The following EIF2A variants were observed in gnomAD, a reference collection of about 807,000 sequenced individuals.
The protein encoded by EIF2A is eukaryotic translation initiation factor 2A.
EIF2A carries 62 observed loss-of-function variants against 75.2 expected under a neutral mutation model. The observed-to-expected ratio is 0.82, with a 90% confidence interval of 0.67 to 1.02. The LOEUF (loss-of-function observed/expected upper bound fraction) is 1.02. EIF2A is among the 50% of genes least tolerant of loss of function. The pLI, the probability that EIF2A is intolerant of heterozygous loss-of-function variation, is 0.00. For missense variants in EIF2A, 611 were observed against 677.7 expected, an observed-to-expected ratio of 0.90 and a Z score of 1.09; for synonymous variants, 207 against 239.0, an observed-to-expected ratio of 0.87 and a Z score of 1.23.
rs1724587520 is a variant in EIF2A, at chr3:150,572,435, C to A, written c.1289C>A (p.Ala430Glu). Residue 430 changes from alanine (A) to glutamate (E), a missense_variant, in exon 10 of 14, where the codon GCA (alanine) becomes GAA (glutamate). Transcript: ENST00000460851. ...IFPAKTITYQ[A>E]VPSEVPNEEP... ...CCAGCAAAAACAATAACTTACCAAG[C>A]AGTTCCAAGTGAAGTACCCAATGAG... is the stretch of plus-strand genomic sequence containing the variant. 5 of 1,614,036 alleles carry A rather than the reference C, an allele frequency of 3.1e-6. No individual in the cohort carries two copies. Among genetic ancestry groups the A allele is most frequent in the Non-Finnish European group, 3.4e-6 (4 of 1,179,894 alleles).
intron 10 of EIF2A, 31 bp from the exon 11 acceptor site, chr3:150,575,617 TC>T: frequency 6.5e-7 from 1 of 1,545,452 alleles, no homozygotes; most frequent in Non-Finnish European, 8.8e-7. Context: ...CAACATGGAC[TC>T]CATTTCAAAA....
At position 150,583,882 on chromosome 3, in the gene EIF2A, G is replaced by C. The variant is rs201607640; in HGVS notation, c.1729G>C (p.Glu577Gln). Residue 577 changes from glutamate (E) to glutamine (Q), a missense_variant, in exon 14 of 14, where the codon GAG becomes CAG. Transcript: ENST00000460851. The part of the protein sequence containing the change: ...KIQKETALLQ[E>Q]LEDLELGI ...TCAGAAAGAAACAGCCCTTCTCCAG[G>C]AGCTGGAAGATTTGGAATTGGGTAT... 1 of 1,613,318 alleles carries C rather than the reference G, an allele frequency of 6.2e-7. No homozygotes were observed. The highest frequency in any genetic ancestry group is 1.7e-5 in the Admixed American group (1 of 60,000).
At chr3:150,583,575 T>C (rs1408950078) in intron 13 of EIF2A, among the ~76,000 whole-genome samples, 1 of 152,212 alleles carries the variant, frequency 6.6e-6, no homozygotes, top group East Asian at 1.9e-4. Context: ...CTGCCCTGTT[T>C]GCCTTTTCCC....
intron 2 of EIF2A, among the ~76,000 whole-genome samples, chr3:150,553,937 G>A (rs1017276821): frequency 6.6e-6 from 1 of 152,168 alleles, no homozygotes; most frequent in African/African-American, 2.4e-5. Context: ...CACAGTAGCA[G>A]TGAATACCCC....
chr3:150,552,214 T>C (rs1323408344), intron 1 of EIF2A, 142 bp from the exon 2 acceptor site: 5 of 660,530 alleles, frequency 7.6e-6, no homozygotes, highest in Non-Finnish European at 1.0e-5. Context: ...TGCCCTTTTG[T>C]TGCTAATATT....
chr3:150,568,314 C>T, intron 9 of EIF2A, 22 bp downstream of exon 9: 1 of 1,558,798 alleles, frequency 6.4e-7, no homozygotes. Flanking sequence ...AGCAGTCTTC[C>T]TTTGATTAGA....
At position 150,582,967 on chromosome 3, in the gene EIF2A, G is replaced by A. The variant is rs180760762; in HGVS notation, c.1627-233G>A. On this transcript the variant is annotated intron_variant, in intron 12 of 13. Transcript: ENST00000460851. ...CATTTATATATACACATGCATACAC[G>A]ATAACATTAATTAAAAGCCTGAGAA... 216 of 478,200 alleles carry A rather than the reference G, an allele frequency of 4.5e-4. 3 individuals are homozygous for A. Among genetic ancestry groups the A allele is most frequent in the Middle Eastern group, 2.2e-3 (4 of 1,806 alleles). 29.6% of individuals were successfully genotyped at this position (478,200 alleles called of 1,614,324 possible).
rs958484092 is a variant in EIF2A, at chr3:150,562,721, A to G, written c.292+61A>G. On this transcript the variant is annotated intron_variant, in intron 4 of 13. Transcript: ENST00000460851. ...GATCAATTACGTTTAGTGGGGGGGA[A>G]AAAGTTATAAAGTTTATAACCTCAT... 2.3e-5 allele frequency: 27 copies of G among 1,170,896 alleles called. No homozygotes were observed. In the East Asian group the frequency reaches 2.8e-4, roughly 12 times the overall value. 72.5% of individuals were successfully genotyped at this position (1,170,896 alleles called of 1,614,324 possible). A position where few individuals can be genotyped will look rare whatever the true frequency, so the allele number is the denominator to read the frequency against.
At chr3:150,552,532 CATTTT>C in intron 2 of EIF2A, 107 bp downstream of exon 2, 1 of 841,588 alleles carries the variant, frequency 1.2e-6, no homozygotes. Flanking sequence ...CAGATGAACT[CATTTT>C]TATTGTATAA....
At chr3:150,580,346 A>C (rs1156851641) in intron 11 of EIF2A, among the ~76,000 whole-genome samples, 3 of 152,204 alleles carry the variant, frequency 2.0e-5, no homozygotes, top group Non-Finnish European at 4.4e-5. Context: ...TGTGATACAC[A>C]GTAAGAGATT....
intron 6 of EIF2A, chr3:150,566,945 T>C (rs1724216293): frequency 6.6e-6 from 1 of 152,234 alleles, no homozygotes; most frequent in Non-Finnish European, 1.5e-5. Context: ...CCAATCAGTA[T>C]AGTTATGCAT....
At chr3:150,570,719 C>A (rs907127901) in intron 9 of EIF2A, among the ~76,000 whole-genome samples, 2 of 152,026 alleles carry the variant, frequency 1.3e-5, no homozygotes, top group African/African-American at 4.8e-5. Flanking sequence ...AAATATGAAA[C>A]TACACAGTAT....
chr3:150,564,460 G>A, intron 6 of EIF2A, 79 bp downstream of exon 6: 6 of 1,122,326 alleles, frequency 5.3e-6, no homozygotes, highest in Non-Finnish European at 7.4e-6. Context: ...GACATCATAG[G>A]GTTTTCCTAA....
At chr3:150,581,453 G>A (rs569202283) in intron 11 of EIF2A, among the ~76,000 whole-genome samples, 165 bp from the exon 12 acceptor site, 5 of 152,236 alleles carry the variant, frequency 3.3e-5, no homozygotes, top group Admixed American at 1.3e-4. Context: ...TCTAACATGG[G>A]AGTATGTAGC....
rs570463973 is a variant in EIF2A, at chr3:150,550,417, T to C, written c.29-1939T>C. ...TATTAGTTTAAAACAGTTTATGTTC[T>C]GTTATGGACCTGATTTTGTGTTTTT... On this transcript the variant is annotated intron_variant, in intron 1 of 13. Transcript: ENST00000460851. Among the ~76,000 whole-genome samples the C allele has an allele frequency of 2.0e-4, 30 of 152,372 alleles. No individual in the cohort carries two copies. The South Asian group carries it at 5.6e-3, about 28-fold the overall frequency.
intron 10 of EIF2A, among the ~76,000 whole-genome samples, chr3:150,573,547 C>T (rs539952499): frequency 3.3e-5 from 5 of 152,278 alleles, no homozygotes; most frequent in African/African-American, 4.8e-5. Flanking sequence ...CCACTGTACC[C>T]GGCCAGGATT....
At chr3:150,549,309 C>T (rs550554970) in intron 1 of EIF2A, among the ~76,000 whole-genome samples, 343 of 151,790 alleles carry the variant, frequency 2.3e-3, no homozygotes, top group Middle Eastern at 6.8e-3. Context: ...ACCTCCACCT[C>T]CCAAGTGCAA....
At chr3:150,582,738 A>C (rs1037803818) in intron 12 of EIF2A, among the ~76,000 whole-genome samples, 9 of 152,224 alleles carry the variant, frequency 5.9e-5, no homozygotes, top group Admixed American at 5.9e-4. Flanking sequence ...GTGATATTGC[A>C]GCCAGTGTGC....
intron 3 of EIF2A, among the ~76,000 whole-genome samples, chr3:150,561,359 C>T (rs997838713): frequency 6.6e-6 from 1 of 152,214 alleles, no homozygotes; most frequent in Non-Finnish European, 1.5e-5. Flanking sequence ...GGGTGGATCA[C>T]CTGAGGTCAG....
Sources: gnomAD v4.1 joint callset for allele counts (sites outside exome capture counted in the v4.1 genomes callset) on GRCh38, gnomAD v4.1.1 for gene constraint, MANE v1.5 for transcripts, NCBI Gene and HGNC (gene_info 2026-07-23, HGNC 2026-07-21) for gene names.